Variants in PXDNL observed in about 807,000 individuals in gnomAD.
PXDNL encodes peroxidasin like.
PXDNL carries 145 observed loss-of-function variants against 150.8 expected under a neutral mutation model. The observed-to-expected ratio is 0.96, with a 90% CI of 0.84 to 1.10. PXDNL has a LOEUF of 1.10. Ranked by LOEUF, PXDNL falls within the 50% of genes least tolerant of loss-of-function variation. The pLI is 0.00. For synonymous variants in PXDNL, 757 were observed against 725.7 expected (o/e 1.04, Z -0.69); for missense variants, 2,087 against 1,873.9 (o/e 1.11, Z -2.10).
chr8:51,372,868 T>C lies in PXDNL; in HGVS notation c.3693-787A>G, dbSNP rs564779745. ...ATGAAAGGATACAATCAATTTTAAA[T>C]GAAAGAACTATTAAAGTCAATCTTT... On this transcript the variant is annotated intron_variant, in intron 18 of 22. Transcript: ENST00000356297. Among the ~76,000 whole-genome samples, 72 of 152,362 alleles carry C rather than the reference T, an allele frequency of 4.7e-4. No homozygotes were observed. In the Middle Eastern group the frequency reaches 0.014, roughly 29 times the overall value.
intron 17 of PXDNL, among the ~76,000 whole-genome samples, chr8:51,376,594 C>A (rs944645545): frequency 6.6e-6 from 1 of 152,022 alleles, no homozygotes; most frequent in African/African-American, 2.4e-5. Flanking sequence ...ATGCATTTCA[C>A]GAAACGAATT....
At chr8:51,597,156 T>C (rs969053629) in intron 2 of PXDNL, among the ~76,000 whole-genome samples, 1 of 152,196 alleles carries the variant, frequency 6.6e-6, no homozygotes, top group Admixed American at 6.5e-5. Flanking sequence ...ATTTATTGAA[T>C]AGGGAGTTTT....
intron 17 of PXDNL, among the ~76,000 whole-genome samples, chr8:51,399,900 G>A (rs897695947): frequency 1.3e-5 from 2 of 152,142 alleles, no homozygotes; most frequent in African/African-American, 4.8e-5. Flanking sequence ...ATTTTGTATG[G>A]CATATAATGA....
At chr8:51,353,189 A>G (rs1563370387) in intron 19 of PXDNL, among the ~76,000 whole-genome samples, 1 of 149,924 alleles carries the variant, frequency 6.7e-6, no homozygotes, top group Non-Finnish European at 1.5e-5. Flanking sequence ...TATATAATAC[A>G]TACTAGATAT....
intron 6 of PXDNL, among the ~76,000 whole-genome samples, chr8:51,481,310 C>T (rs1467671673): frequency 6.6e-6 from 1 of 152,118 alleles, no homozygotes; most frequent in Non-Finnish European, 1.5e-5. Context: ...TTTTGCCCCG[C>T]CCTAGAGATC....
intron 14 of PXDNL, among the ~76,000 whole-genome samples, chr8:51,416,723 C>G (rs1052248625): frequency 2.6e-5 from 4 of 152,056 alleles, no homozygotes; most frequent in African/African-American, 9.7e-5. Context: ...AGAAGTCAAC[C>G]AGTGTGTAAA....
intron 2 of PXDNL, among the ~76,000 whole-genome samples, chr8:51,641,401 A>G (rs893766115): frequency 6.6e-6 from 1 of 150,414 alleles, no homozygotes; most frequent in African/African-American, 2.5e-5. Context: ...AGAAACTACC[A>G]TCAGAGTGAA....
chr8:51,409,575 G>A lies in PXDNL; in HGVS notation c.2063-14C>T, dbSNP rs202084673. On this transcript the variant is annotated splice_polypyrimidine_tract_variant and intron_variant, in intron 16 of 22. Coordinates refer to ENST00000356297, the MANE Select transcript of PXDNL (RefSeq NM_144651.5). ...TGTACCGGAATTCTGAAAGGCAAGC[G>A]GCGAAAGCCGTGAGGAGGGCGGGCC... 3 of 1,542,428 alleles carry A rather than the reference G, an allele frequency of 1.9e-6. No homozygotes were observed. The highest frequency in any genetic ancestry group is 2.5e-5 in the East Asian group (1 of 40,330).
At chr8:51,675,635 A>T (rs1486282153) in intron 1 of PXDNL, among the ~76,000 whole-genome samples, 1 of 151,896 alleles carries the variant, frequency 6.6e-6, no homozygotes, top group East Asian at 1.9e-4. Flanking sequence ...TCTACTAAAA[A>T]TACAAAAATT....
At chr8:51,558,890 G>T (rs1038233089) in intron 3 of PXDNL, among the ~76,000 whole-genome samples, 1 of 152,044 alleles carries the variant, frequency 6.6e-6, no homozygotes, top group African/African-American at 2.4e-5. Context: ...AGCAGAGAAA[G>T]AGTTTAATTA....
At chr8:51,613,124 T>C (rs1203072978) in intron 2 of PXDNL, among the ~76,000 whole-genome samples, 2 of 152,042 alleles carry the variant, frequency 1.3e-5, no homozygotes, top group Non-Finnish European at 1.5e-5. Context: ...AGCAATTGAC[T>C]ATGGGGCCAT....
intron 4 of PXDNL, among the ~76,000 whole-genome samples, chr8:51,503,281 T>C (rs1244191800): frequency 6.6e-6 from 1 of 152,250 alleles, no homozygotes; most frequent in East Asian, 1.9e-4. Flanking sequence ...TGCATGTAAG[T>C]AGACTTTGTT....
chr8:51,404,960 G>C (rs1808394211), intron 17 of PXDNL, among the ~76,000 whole-genome samples: 1 of 152,180 alleles, frequency 6.6e-6, no homozygotes, highest in South Asian at 2.1e-4. Context: ...GCAGGTCCGA[G>C]TCCTGCCCCG....
intron 17 of PXDNL, among the ~76,000 whole-genome samples, chr8:51,390,905 C>A (rs956482667): frequency 6.6e-6 from 1 of 151,994 alleles, no homozygotes; most frequent in Non-Finnish European, 1.5e-5. Context: ...CTCCTCCGAC[C>A]CCACAACAGT....
At chr8:51,644,408 G>A (rs796685892) in intron 2 of PXDNL, among the ~76,000 whole-genome samples, 217 of 32,156 alleles carry the variant, frequency 6.7e-3, no homozygotes, top group African/African-American at 0.035. Context: ...ATATACACAT[G>A]TGTGTGTATA....
chr8:51,802,868 ATTTG>A, intron 1 of PXDNL, among the ~76,000 whole-genome samples: 1 of 152,226 alleles, frequency 6.6e-6, no homozygotes, highest in Non-Finnish European at 1.5e-5. Flanking sequence ...AGTGGTACCT[ATTTG>A]TTTTTGATAA....
intron 10 of PXDNL, among the ~76,000 whole-genome samples, chr8:51,452,170 C>T (rs759379422): frequency 3.0e-4 from 45 of 152,254 alleles, no homozygotes; most frequent in South Asian, 8.3e-4. Flanking sequence ...AGTGATCAGG[C>T]GTTAGGTTTC....
chr8:51,514,922 C>T (rs2130359894), intron 4 of PXDNL, among the ~76,000 whole-genome samples: 1 of 152,338 alleles, frequency 6.6e-6, no homozygotes. Flanking sequence ...CATTTCATAA[C>T]ATACACATTG....
intron 8 of PXDNL, 55 bp from the exon 9 acceptor site, chr8:51,457,722 C>T: frequency 7.3e-7 from 1 of 1,378,968 alleles, no homozygotes; most frequent in South Asian, 1.3e-5. Context: ...GTTTAAAACT[C>T]TTAACAAGAC....
Sources: allele counts gnomAD v4.1 joint callset (sites outside exome capture counted in the v4.1 genomes callset), GRCh38; gene constraint gnomAD v4.1.1; transcripts MANE v1.5; gene names NCBI Gene and HGNC (gene_info 2026-07-23, HGNC 2026-07-21).